Variants in ZNF532 observed in about 807,000 individuals in gnomAD.
ZNF532 encodes zinc finger protein 532.
A neutral mutation model predicts 89.3 loss-of-function variants in ZNF532; 22 were observed. The ratio of observed to expected loss-of-function variants is 0.25; its 90% CI spans 0.18 to 0.35. The LOEUF (loss-of-function observed/expected upper bound fraction) is 0.35. Ranked by LOEUF, ZNF532 falls within the 10% of genes least tolerant of loss-of-function variation. ZNF532 has a pLI of 1.00. For missense variants in ZNF532, 1,132 were observed against 1,643.4 expected, an observed-to-expected ratio of 0.69 and a Z score of 5.38; for synonymous variants, 606 against 649.6, an observed-to-expected ratio of 0.93 and a Z score of 1.02.
chr18:58,881,244 G>A (rs1434971832), intron 2 of ZNF532, among the ~76,000 whole-genome samples: 1 of 151,890 alleles, frequency 6.6e-6, no homozygotes, highest in Non-Finnish European at 1.5e-5. Context: ...TGATTCTCCT[G>A]CCTCAGCCTT....
chr18:58,900,848 A>G (rs1256445677), intron 2 of ZNF532, among the ~76,000 whole-genome samples: 1 of 152,064 alleles, frequency 6.6e-6, no homozygotes, highest in Non-Finnish European at 1.5e-5. Context: ...TCAGAAAGAA[A>G]CCCTGTATCC....
intron 2 of ZNF532, among the ~76,000 whole-genome samples, chr18:58,882,698 G>C (rs570167162): frequency 6.6e-6 from 1 of 152,260 alleles, no homozygotes; most frequent in East Asian, 1.9e-4. Context: ...CTCCCATCTT[G>C]ACCTCTTAAA....
chr18:58,954,186 G>T, intron 7 of ZNF532: 1 of 976,546 alleles, frequency 1.0e-6, no homozygotes, highest in Non-Finnish European at 1.2e-6. Context: ...GTTGAACATT[G>T]CCAGTAGCAT....
At position 58,939,537 on chromosome 18, in the gene ZNF532, T is replaced by C. The variant is rs2062800069; in HGVS notation, c.2621T>C (p.Ile874Thr). ...TGTGAAGTCTTCTACAAGTGTCCTA[T>C]TTGTCCAATGGCGTTTAAGTCTGCC... ...SHCEVFYKCPICPMAFKSAPS... is the reference protein window; with the variant it reads ...SHCEVFYKCPTCPMAFKSAPS... The change falls in exon 5 of 10, where the codon ATT (isoleucine) becomes ACT (threonine). Residue 874 changes from isoleucine (I) to threonine (T), a missense_variant. Physicochemically the swap from Ile to Thr is moderately conservative, Grantham distance 89. This residue lies in a region of ZNF532 where 415 missense variants were observed against 604.8 expected (regional missense o/e 0.69). Coordinates refer to ENST00000591808, the MANE Select transcript of ZNF532 (RefSeq NM_001375912.1). 1 of 1,614,006 alleles carries C rather than the reference T, an allele frequency of 6.2e-7. No homozygotes were observed. Among genetic ancestry groups the C allele is most frequent in the African/African-American group, 1.3e-5 (1 of 74,898 alleles).
chr18:58,872,698 C>CTT lies in ZNF532; in HGVS notation c.-18+7137_-18+7138dup, dbSNP rs146289274. ...CTTCTCTCTGCCTTCCAACATTTATCTTTTTTTTTTTTTTTTTTTGAGACC... is the reference window on the plus strand; with the variant it reads ...CTTCTCTCTGCCTTCCAACATTTATCTTTTTTTTTTTTTTTTTTTTTGAGACC... On this transcript the variant is annotated intron_variant, in intron 2 of 9. Coordinates refer to ENST00000591808, the MANE Select transcript of ZNF532 (RefSeq NM_001375912.1). Among the ~76,000 whole-genome samples, 416 of 138,574 alleles carry CTT rather than the reference C, an allele frequency of 3.0e-3. 2 individuals are homozygous for CTT. The highest frequency in any genetic ancestry group is 8.4e-3 in the African/African-American group (323 of 38,682). 90.9% of individuals were successfully genotyped at this position (138,574 alleles called of 152,430 possible).
Position 58,960,832 on chromosome 18 carries a change from C to T in ZNF532, c.3150+7033C>T, listed in dbSNP as rs192109719. On this transcript the variant is annotated intron_variant, in intron 7 of 9. Transcript: ENST00000591808. Reference sequence around the variant, plus strand: ...TTTTCCTCAGTCTTTCTATCAATGACTTAATTATAGGAAGAGAAGCTAGGA... The same window carrying T: ...TTTTCCTCAGTCTTTCTATCAATGATTTAATTATAGGAAGAGAAGCTAGGA... Among the ~76,000 whole-genome samples, 8 of 151,942 alleles carry T rather than the reference C, an allele frequency of 5.3e-5. No individual in the cohort carries two copies. In the South Asian group the frequency reaches 1.5e-3, roughly 28 times the overall value.
At chr18:58,875,070 TG>T (rs1177602318) in intron 2 of ZNF532, among the ~76,000 whole-genome samples, 2 of 152,132 alleles carry the variant, frequency 1.3e-5, no homozygotes, top group African/African-American at 2.4e-5. Flanking sequence ...GAAGATGTAA[TG>T]AAAAAAAACA....
At chr18:58,923,166 G>A (rs1254233740) in intron 3 of ZNF532, among the ~76,000 whole-genome samples, 47 of 151,992 alleles carry the variant, frequency 3.1e-4, no homozygotes. Context: ...CCGTTTTGCA[G>A]CCATCCACTC....
At chr18:58,958,008 G>A (rs567826573) in intron 7 of ZNF532, among the ~76,000 whole-genome samples, 215 of 150,738 alleles carry the variant, frequency 1.4e-3, no homozygotes, top group Non-Finnish European at 2.8e-3. Context: ...GGAGGTTGCA[G>A]TGAGCCAAGA....
intron 2 of ZNF532, among the ~76,000 whole-genome samples, chr18:58,869,305 A>G (rs2056765891): frequency 6.6e-6 from 1 of 152,240 alleles, no homozygotes; most frequent in Admixed American, 6.5e-5. Flanking sequence ...CATTGTCTGA[A>G]GACACACGAG....
At chr18:58,887,143 A>G (rs905048283) in intron 2 of ZNF532, among the ~76,000 whole-genome samples, 5 of 152,220 alleles carry the variant, frequency 3.3e-5, no homozygotes, top group African/African-American at 1.2e-4. Context: ...TAGCTTTGTT[A>G]GGTGGCTTAT....
At chr18:58,957,406 C>CATATATATATATATATATATATATAT (rs58182199) in intron 7 of ZNF532, among the ~76,000 whole-genome samples, 1 of 138,912 alleles carries the variant, frequency 7.2e-6, no homozygotes, top group African/African-American at 2.7e-5. Context: ...ACTTAAAATA[C>CATATATATATATATATATATATATAT]ATATATATAT....
At chr18:58,871,999 T>C (rs1475646646) in intron 2 of ZNF532, among the ~76,000 whole-genome samples, 1 of 152,212 alleles carries the variant, frequency 6.6e-6, no homozygotes, top group African/African-American at 2.4e-5. Context: ...GTTTAAAGAA[T>C]TCTTTGAATC....
intron 5 of ZNF532, among the ~76,000 whole-genome samples, chr18:58,947,160 A>G (rs1326491305): frequency 1.3e-5 from 2 of 152,232 alleles, no homozygotes; most frequent in African/African-American, 2.4e-5. Flanking sequence ...GCCCTCTCCT[A>G]TGTGCCAGGG....
intron 4 of ZNF532, 101 bp from the exon 5 acceptor site, chr18:58,939,344 A>G (rs560408674): frequency 4.2e-6 from 4 of 954,176 alleles, no homozygotes; most frequent in Non-Finnish European, 6.0e-6. Flanking sequence ...GCCATTAAAA[A>G]CCTAAAAGGG....
intron 2 of ZNF532, among the ~76,000 whole-genome samples, chr18:58,877,528 CT>C (rs2057529487): frequency 6.6e-6 from 1 of 152,236 alleles, no homozygotes. Context: ...ACTTCCCCAT[CT>C]CTCTACAAGA....
intron 2 of ZNF532, among the ~76,000 whole-genome samples, chr18:58,910,264 C>T (rs561130100): frequency 6.6e-6 from 1 of 152,158 alleles, no homozygotes; most frequent in East Asian, 1.9e-4. Flanking sequence ...GTGCACGGTC[C>T]TTTTTCATTA....
intron 2 of ZNF532, among the ~76,000 whole-genome samples, chr18:58,912,486 G>C (rs553551387): frequency 1.3e-5 from 2 of 152,302 alleles, no homozygotes; most frequent in East Asian, 3.9e-4. Context: ...GTGCTGAGAG[G>C]GGGCAGAGTG....
rs1464454240 is a variant in ZNF532 at position 58,985,298 on chromosome 18, G to GTAGT, written c.*836_*839dup. On this transcript the variant is annotated 3_prime_UTR_variant, in exon 10 of 10. Transcript: ENST00000591808. ...GGACTACTATAAAAGTTACAAATAC[G>GTAGT]TAGTTAGACCAATAGATTTATATAG... The GTAGT allele has an allele frequency of 1.3e-5, 2 of 152,490 alleles. No homozygotes were observed. The highest frequency in any genetic ancestry group is 2.9e-5 in the Non-Finnish European group (2 of 68,042). 9.4% of individuals were successfully genotyped at this position (152,490 alleles called of 1,614,324 possible).
Sources: allele counts gnomAD v4.1 joint callset (sites outside exome capture counted in the v4.1 genomes callset), GRCh38; gene constraint gnomAD v4.1.1; regional missense constraint gnomAD v4.1.1; transcripts MANE v1.5; gene names NCBI Gene and HGNC (gene_info 2026-07-23, HGNC 2026-07-21).